Variants in FLI1 observed in about 807,000 individuals in gnomAD.
The protein encoded by FLI1 is Fli-1 proto-oncogene, ETS transcription factor, also known as Friend leukemia integration 1 transcription factor.
FLI1 carries 13 observed loss-of-function variants against 53.1 expected under a neutral mutation model. That is an observed-to-expected ratio of 0.24 (90% CI 0.16 to 0.39). The LOEUF (loss-of-function observed/expected upper bound fraction) is 0.39. FLI1 is among the 10% of genes least tolerant of loss of function. FLI1 has a pLI of 1.00. For missense variants in FLI1, 424 were observed against 600.5 expected (o/e 0.71, Z 3.07); for synonymous variants, 244 against 236.7 (o/e 1.03, Z -0.28).
At chr11:128,720,442 A>G (rs1939205438) in intron 1 of FLI1, among the ~76,000 whole-genome samples, 1 of 152,220 alleles carries the variant, frequency 6.6e-6, no homozygotes, top group Non-Finnish European at 1.5e-5. Context: ...AAATGCTGAA[A>G]AGACGATGTT....
At chr11:128,687,694 C>T (rs1314285791) in intron 1 of FLI1, among the ~76,000 whole-genome samples, 1 of 152,118 alleles carries the variant, frequency 6.6e-6, no homozygotes, top group Non-Finnish European at 1.5e-5. Context: ...TGCAGACTCT[C>T]GGGTCCTGTC....
intron 2 of FLI1, chr11:128,764,674 C>G (rs762080041): frequency 1.2e-5 from 19 of 1,536,664 alleles, no homozygotes; most frequent in Middle Eastern, 1.7e-4. Flanking sequence ...CATTAAAGAG[C>G]AGCCTTTTAT....
At chr11:128,690,338 A>G (rs1937685961), upstream of FLI1, among the ~76,000 whole-genome samples, 1 of 152,048 alleles carries the variant, frequency 6.6e-6, no homozygotes, top group Non-Finnish European at 1.5e-5. Context: ...GAGGGAGAGG[A>G]GCGGCCCGAG....
At chr11:128,805,625 A>G (rs539569169) in intron 6 of FLI1, 194 bp downstream of exon 6, 2 of 542,362 alleles carry the variant, frequency 3.7e-6, no homozygotes, top group South Asian at 5.2e-5. Context: ...TTTCGTTTAG[A>G]TTTTTGAGTT....
At chr11:128,742,705 C>T (rs1940192615) in intron 1 of FLI1, among the ~76,000 whole-genome samples, 4 of 152,232 alleles carry the variant, frequency 2.6e-5, no homozygotes, top group Admixed American at 1.3e-4. Flanking sequence ...GTCATCTCCC[C>T]TGGACCAAAT....
chr11:128,764,199 C>T (rs1014844286), intron 2 of FLI1, among the ~76,000 whole-genome samples: 3 of 152,218 alleles, frequency 2.0e-5, no homozygotes, highest in Non-Finnish European at 2.9e-5. Flanking sequence ...CAGGAGAAGT[C>T]TTTGAAATCT....
intron 1 of FLI1, among the ~76,000 whole-genome samples, chr11:128,702,508 T>C (rs1372418440): frequency 6.6e-6 from 1 of 152,232 alleles, no homozygotes; most frequent in South Asian, 2.1e-4. Context: ...GGCTAGGTCT[T>C]CAGCCAAGGA....
chr11:128,699,577 C>T (rs891090443), intron 1 of FLI1, among the ~76,000 whole-genome samples: 1 of 152,208 alleles, frequency 6.6e-6, no homozygotes, highest in Non-Finnish European at 1.5e-5. Flanking sequence ...AGACTACACC[C>T]TGTTTCAATT....
At chr11:128,720,811 A>G (rs567429695) in intron 1 of FLI1, among the ~76,000 whole-genome samples, 23 of 152,148 alleles carry the variant, frequency 1.5e-4, no homozygotes, top group African/African-American at 4.6e-4. Context: ...TCTGCCCCTC[A>G]CAGCAACAGG....
chr11:128,796,541 G>C (rs528481604), intron 5 of FLI1, among the ~76,000 whole-genome samples: 1 of 152,346 alleles, frequency 6.6e-6, no homozygotes, highest in South Asian at 2.1e-4. Context: ...CTCTGATGCT[G>C]TGATATAATA....
intron 3 of FLI1, chr11:128,768,523 A>C: frequency 2.2e-6 from 1 of 448,696 alleles, no homozygotes; most frequent in Non-Finnish European, 4.1e-6. Context: ...TACTAAAAAA[A>C]AAAAAAAATA....
chr11:128,805,987 C>T (rs963593711), intron 6 of FLI1: 9 of 151,916 alleles, frequency 5.9e-5, no homozygotes, highest in East Asian at 2.0e-4. Context: ...GATGACATGT[C>T]GAAGTCTACC....
rs1236437580 is a variant in FLI1 at position 128,807,688 on chromosome 11, G to A, written c.781+449G>A. On this transcript the variant is annotated intron_variant, in intron 7 of 8. Transcript: ENST00000527786. ...AAGGCAGAGGAACTTTGAAAGCCAT[G>A]GACCTGGAGACTCCGTATTGGAGAG... Among the ~76,000 whole-genome samples, 3 of 152,210 alleles carry A rather than the reference G, an allele frequency of 2.0e-5. No homozygotes were observed. The East Asian group carries it at 5.8e-4, about 29-fold the overall frequency.
At position 128,719,866 on chromosome 11, in the gene FLI1, G is replaced by A. The variant is rs613826; in HGVS notation, c.18+25590G>A. 6.6e-5 allele frequency among the ~76,000 whole-genome samples: 10 copies of A among 152,180 alleles called. No homozygotes were observed. The South Asian group carries it at 2.1e-3, about 32-fold the overall frequency. On this transcript the variant is annotated intron_variant, in intron 1 of 8. Transcript: ENST00000527786. ...ACCCACCCAAGGCTGCTGAGAAACAGGACTAAGTTAGTAAGCCCATCCTGC... is the reference window on the plus strand; with the variant it reads ...ACCCACCCAAGGCTGCTGAGAAACAAGACTAAGTTAGTAAGCCCATCCTGC...
intron 1 of FLI1, among the ~76,000 whole-genome samples, chr11:128,757,048 C>CT (rs987643545): frequency 2.0e-5 from 1 of 49,182 alleles, no homozygotes; most frequent in African/African-American, 9.0e-5. Flanking sequence ...CTAATTTTTT[C>CT]TTTCTTTCTT....
chr11:128,720,774 G>A (rs1418965632), intron 1 of FLI1, among the ~76,000 whole-genome samples: 2 of 152,196 alleles, frequency 1.3e-5, no homozygotes, highest in Non-Finnish European at 2.9e-5. Context: ...TGACTCCCGC[G>A]TCTCCAAGCA....
At chr11:128,741,852 G>A (rs906205178) in intron 1 of FLI1, among the ~76,000 whole-genome samples, 1 of 152,100 alleles carries the variant, frequency 6.6e-6, no homozygotes, top group Non-Finnish European at 1.5e-5. Flanking sequence ...CCCTTGCTTG[G>A]TTGGTTTCTG....
chr11:128,710,468 C>G (rs1052790140), intron 1 of FLI1, among the ~76,000 whole-genome samples: 16 of 152,142 alleles, frequency 1.1e-4, no homozygotes, highest in African/African-American at 3.1e-4. Context: ...GGACCACAAT[C>G]TAGCTAAGAT....
intron 1 of FLI1, among the ~76,000 whole-genome samples, chr11:128,721,466 T>C (rs1207386768): frequency 1.3e-5 from 2 of 152,100 alleles, no homozygotes; most frequent in Non-Finnish European, 2.9e-5. Context: ...CCTAATACAT[T>C]TTTGCTTTAT....
Sources: allele counts gnomAD v4.1 joint callset (sites outside exome capture counted in the v4.1 genomes callset), GRCh38; gene constraint gnomAD v4.1.1; transcripts MANE v1.5; gene names NCBI Gene and HGNC (gene_info 2026-07-23, HGNC 2026-07-21).